The following CMYA5 variants were observed in gnomAD, a reference collection of about 807,000 sequenced individuals.
CMYA5 encodes cardiomyopathy associated 5, also known as cardiomyopathy-associated protein 5.
A neutral mutation model predicts 318.9 loss-of-function variants in CMYA5; 246 were observed. The ratio of observed to expected loss-of-function variants is 0.77; its 90% confidence interval spans 0.70 to 0.86. The LOEUF (loss-of-function observed/expected upper bound fraction) is 0.86. CMYA5 is among the 40% of genes least tolerant of loss of function. The pLI, the probability that CMYA5 is intolerant of heterozygous loss-of-function variation, is 0.00. For missense variants in CMYA5, 4,589 were observed against 4,678.2 expected (o/e 0.98, Z 0.56); for synonymous variants, 1,641 against 1,729.5 (o/e 0.95, Z 1.27).
chr5:79,689,977 C>T lies in CMYA5; in HGVS notation c.70C>T (p.Arg24Trp). 1 of 1,374,698 alleles carries T rather than the reference C, an allele frequency of 7.3e-7. No homozygotes were observed. The highest frequency in any genetic ancestry group is 1.0e-6 in the Non-Finnish European group (1 of 996,730). 85.2% of individuals were successfully genotyped at this position (1,374,698 alleles called of 1,614,324 possible). ...LGSDGDEEATRELETEEESEG... is the reference protein window; with the variant it reads ...LGSDGDEEATWELETEEESEG... ...CTCCGACGGGGACGAGGAGGCGACC[C>T]GGGAGCTGGAGACCGAGGAGGAGTC... Residue 24 changes from arginine (R) to tryptophan (W), a missense_variant, in exon 1 of 13, where the codon CGG becomes TGG. Physicochemically the swap from Arg to Trp is moderately radical, Grantham distance 101 (BLOSUM62 -3). This residue lies in a region of CMYA5 where 2,132 missense variants were observed against 2,131.3 expected (regional missense o/e 1.00). Transcript: ENST00000446378.
At position 79,790,976 on chromosome 5, in the gene CMYA5, G is replaced by A. The variant is rs1161329859; in HGVS notation, c.11696G>A (p.Arg3899Lys). Residue 3899 changes from arginine (R) to lysine (K), a missense_variant, in exon 11 of 13, where the codon AGA becomes AAA. Around this residue, in one of 3 missense-constraint regions of CMYA5, gnomAD observed 2,431 missense variants for 2,495.1 expected, o/e 0.97. Transcript: ENST00000446378. The stretch of plus-strand genomic sequence containing the variant: ...ATTTTCTCACCTGCAATAGGAACCA[G>A]ATTTCTCTTGTTGAGAGAAACAGCT... ...EAALISTRGT[R>K]FLLLRETAHP... is the part of the protein sequence containing the mutation. The A allele has an allele frequency of 1.2e-6, 2 of 1,611,500 alleles. No homozygotes were observed. Among genetic ancestry groups the A allele is most frequent in the African/African-American group, 2.7e-5 (2 of 74,898 alleles).
At chr5:79,693,402 G>A (rs1435438029) in intron 1 of CMYA5, among the ~76,000 whole-genome samples, 2 of 149,438 alleles carry the variant, frequency 1.3e-5, no homozygotes, top group Non-Finnish European at 1.5e-5. Context: ...TTGCAGTGGC[G>A]TGATCACGGC....
chr5:79,750,129 G>T (rs370477279), intron 5 of CMYA5, among the ~76,000 whole-genome samples: 4 of 152,156 alleles, frequency 2.6e-5, no homozygotes, highest in African/African-American at 9.6e-5. Flanking sequence ...GAAAAGTCAT[G>T]ACATTACAAG....
chr5:79,715,490 T>C (rs540342994), intron 1 of CMYA5, among the ~76,000 whole-genome samples: 2 of 152,182 alleles, frequency 1.3e-5, no homozygotes, highest in East Asian at 3.9e-4. Context: ...GGTTTCACTG[T>C]GTTAGCCAGG....
intron 1 of CMYA5, among the ~76,000 whole-genome samples, chr5:79,690,883 G>T (rs563777796): frequency 2.6e-5 from 4 of 152,234 alleles, no homozygotes; most frequent in African/African-American, 7.2e-5. Flanking sequence ...ATCTCAGAAC[G>T]CCCAGCTTAC....
rs1301951824 is a variant in CMYA5, at chr5:79,734,096, T to C, written c.5331T>C (p.Asn1777=). The change falls in exon 2 of 13, where the codon AAT becomes AAC. Residue 1777 remains asparagine (N), a synonymous_variant. Coordinates refer to ENST00000446378, the MANE Select transcript of CMYA5 (RefSeq NM_153610.5). ...TAGGCCCATTACCACCAACTGGAAA[T>C]TTGAAGGCACAAGTCATGGGAGATA... ...QEIGPLPPTG[N]LKAQVMGDIL... is the part of the protein sequence containing the mutation. 6 of 1,613,736 alleles carry C rather than the reference T, an allele frequency of 3.7e-6. No homozygotes were observed. Among genetic ancestry groups the C allele is most frequent in the Non-Finnish European group, 5.1e-6 (6 of 1,179,812 alleles).
Position 79,738,412 on chromosome 5 carries a change from G to C in CMYA5, c.9647G>C (p.Ser3216Thr). 1 of 1,613,792 alleles carries C rather than the reference G, an allele frequency of 6.2e-7. No homozygotes were observed. Among genetic ancestry groups the C allele is most frequent in the Non-Finnish European group, 8.5e-7 (1 of 1,179,846 alleles). ...GAGGAGACAGCTTCTGAAGGTGACA[G>C]TGTGAATTCTGAGGCATCATTTCCC... Reference protein sequence around the residue: ...KEEETASEGDSVNSEASFPSR... With the variant: ...KEEETASEGDTVNSEASFPSR... The change falls in exon 2 of 13, where the codon AGT (serine) becomes ACT (threonine). Residue 3216 changes from serine (S) to threonine (T), a missense_variant. Ser to Thr is a moderately conservative substitution (Grantham distance 58). Coordinates refer to ENST00000446378, the MANE Select transcript of CMYA5 (RefSeq NM_153610.5).
chr5:79,736,921 A>C lies in CMYA5; in HGVS notation c.8156A>C (p.Lys2719Thr). Residue 2719 changes from lysine to threonine, a missense_variant, in exon 2 of 13, where the codon AAA (lysine) becomes ACA (threonine). Lys to Thr is a moderately conservative substitution (Grantham distance 78). Transcript: ENST00000446378. ...PLEESKVLVE[K>T]TKTFLPVVLS... Reference sequence around the variant, plus strand: ...GAAGAAAGTAAAGTTTTGGTGGAGAAAACTAAGACTTTCCTGCCAGTGGTT... The same window carrying C: ...GAAGAAAGTAAAGTTTTGGTGGAGACAACTAAGACTTTCCTGCCAGTGGTT... 6.2e-7 allele frequency: 1 copy of C among 1,613,548 alleles called. No individual in the cohort carries two copies. The highest frequency in any genetic ancestry group is 1.1e-5 in the South Asian group (1 of 91,044).
chr5:79,705,500 TA>T (rs1184610529), intron 1 of CMYA5, among the ~76,000 whole-genome samples: 2 of 152,004 alleles, frequency 1.3e-5, no homozygotes, highest in Non-Finnish European at 2.9e-5. Context: ...CATTAGTCCT[TA>T]ATCACCACAA....
chr5:79,774,697 G>C (rs1000903863), intron 9 of CMYA5, among the ~76,000 whole-genome samples: 1 of 152,192 alleles, frequency 6.6e-6, no homozygotes, highest in African/African-American at 2.4e-5. Context: ...GTTGGGCTCA[G>C]GGTGCTGGGC....
chr5:79,734,228 A>G lies in CMYA5; in HGVS notation c.5463A>G (p.Gln1821=), dbSNP rs765408656. 4.9e-5 allele frequency: 79 copies of G among 1,613,688 alleles called. No homozygotes were observed. The Middle Eastern group carries it at 1.6e-3, about 34-fold the overall frequency. ...CTCCTTCTGACCTCCTTGTAGAACA[A>G]AAAAAGACAGAAAAAGCACTTCATT... ...KIAPSDLLVE[Q]KKTEKALHSD... Residue 1821 remains glutamine, a synonymous_variant, in exon 2 of 13, where the codon CAA becomes CAG. Transcript: ENST00000446378.
chr5:79,709,454 G>A (rs13163359), intron 1 of CMYA5, among the ~76,000 whole-genome samples: 1 of 152,038 alleles, frequency 6.6e-6, no homozygotes, highest in African/African-American at 2.4e-5. Flanking sequence ...GAACTGCAGT[G>A]ATCAGTGATC....
intron 12 of CMYA5, among the ~76,000 whole-genome samples, chr5:79,798,820 T>A (rs1829321964): frequency 6.6e-6 from 1 of 152,160 alleles, no homozygotes; most frequent in Admixed American, 6.5e-5. Flanking sequence ...GCAGAAAACC[T>A]TGAGAAAATG....
chr5:79,726,537 C>T (rs996882948), intron 1 of CMYA5, among the ~76,000 whole-genome samples: 10 of 152,150 alleles, frequency 6.6e-5, no homozygotes, highest in African/African-American at 2.2e-4. Flanking sequence ...AGCAGAGTTG[C>T]GGGGAAGTGG....
chr5:79,784,660 G>C lies in CMYA5; in HGVS notation c.11556-4311G>C, dbSNP rs1829047925. On this transcript the variant is annotated intron_variant, in intron 9 of 12. Coordinates refer to ENST00000446378, the MANE Select transcript of CMYA5 (RefSeq NM_153610.5). Reference sequence around the variant, plus strand: ...AGCCGGTCTGAAAAGCGCAATATTCGGGTGGGAGTGACCCGATTTTCCAGG... The same window carrying C: ...AGCCGGTCTGAAAAGCGCAATATTCCGGTGGGAGTGACCCGATTTTCCAGG... Among the ~76,000 whole-genome samples the C allele has an allele frequency of 2.7e-5, 3 of 111,466 alleles. No individual in the cohort carries two copies. In the South Asian group the frequency reaches 1.1e-3, roughly 40 times the overall value. 73.1% of individuals were successfully genotyped at this position (111,466 alleles called of 152,430 possible). A position where few individuals can be genotyped will look rare whatever the true frequency, so the allele number is the denominator to read the frequency against.
chr5:79,768,067 C>G (rs552538575), intron 9 of CMYA5, among the ~76,000 whole-genome samples: 1 of 151,788 alleles, frequency 6.6e-6, no homozygotes, highest in South Asian at 2.1e-4. Context: ...CCTTCTTTGT[C>G]TTTTTTGATC....
chr5:79,735,096 A>C lies in CMYA5; in HGVS notation c.6331A>C (p.Lys2111Gln), dbSNP rs754921443. ...PLEESKMVQS[K>Q]VIDDADEGKK... is the part of the protein sequence containing the mutation. ...GGAAGAATCAAAAATGGTTCAGTCAAAGGTTATTGATGATGCTGATGAGGG... is the reference window on the plus strand; with the variant it reads ...GGAAGAATCAAAAATGGTTCAGTCACAGGTTATTGATGATGCTGATGAGGG... The change falls in exon 2 of 13, where the codon AAG becomes CAG. Residue 2111 changes from lysine (K) to glutamine (Q), a missense_variant. Lys to Gln is a moderately conservative substitution (Grantham distance 53, BLOSUM62 1). Transcript: ENST00000446378. 1 of 1,613,836 alleles carries C rather than the reference A, an allele frequency of 6.2e-7. No individual in the cohort carries two copies. The highest frequency in any genetic ancestry group is 8.5e-7 in the Non-Finnish European group (1 of 1,179,800).
intron 1 of CMYA5, among the ~76,000 whole-genome samples, chr5:79,692,998 G>A (rs929865787): frequency 4.6e-5 from 7 of 152,116 alleles, no homozygotes; most frequent in African/African-American, 1.7e-4. Context: ...ACAGAAAAAC[G>A]TAATTATGTC....
chr5:79,787,880 C>T (rs1829108143), intron 9 of CMYA5, among the ~76,000 whole-genome samples: 1 of 152,062 alleles, frequency 6.6e-6, no homozygotes, highest in Non-Finnish European at 1.5e-5. Context: ...CCATGTTATT[C>T]TCTAAGACAG....
Sources: allele counts gnomAD v4.1 joint callset (sites outside exome capture counted in the v4.1 genomes callset), GRCh38; gene constraint gnomAD v4.1.1; regional missense constraint gnomAD v4.1.1; transcripts MANE v1.5; gene names NCBI Gene and HGNC (gene_info 2026-07-23, HGNC 2026-07-21).